CENPP: variants seen among roughly 807,000 people sequenced by gnomAD.
CENPP encodes centromere protein P.
Under a neutral mutation model 35.6 loss-of-function variants are expected in CENPP, and 24 were observed. The ratio of observed to expected loss-of-function variants is 0.67; its 90% CI spans 0.49 to 0.95. CENPP has a LOEUF of 0.95. Ranked by LOEUF, CENPP falls within the 40% of genes least tolerant of loss-of-function variation. The pLI, the probability that CENPP is intolerant of heterozygous loss-of-function variation, is 0.00. For missense variants in CENPP, 332 were observed against 345.3 expected (o/e 0.96, Z 0.31); for synonymous variants, 120 against 125.5 (o/e 0.96, Z 0.29).
At chr9:92,443,196 AAGTCTAATTCTAATC>A (rs770756990) in intron 5 of CENPP, among the ~76,000 whole-genome samples, 50 of 152,360 alleles carry the variant, frequency 3.3e-4, no homozygotes, top group Middle Eastern at 6.8e-3. Context: ...TAGAATTAAT[AAGTCTAATTCTAATC>A]AGTCTAATTC....
intron 5 of CENPP, among the ~76,000 whole-genome samples, chr9:92,397,771 C>T (rs1176644424): frequency 2.6e-5 from 4 of 152,184 alleles, no homozygotes; most frequent in African/African-American, 7.2e-5. Flanking sequence ...TTATTTGTCT[C>T]TTTCTCCACA....
At chr9:92,432,170 T>G (rs1380101635) in intron 5 of CENPP, among the ~76,000 whole-genome samples, 1 of 151,924 alleles carries the variant, frequency 6.6e-6, no homozygotes, top group African/African-American at 2.4e-5. Context: ...ACTAAAAATA[T>G]AAAAATTAGC....
At chr9:92,466,574 T>C in intron 5 of CENPP, 2 of 1,611,118 alleles carry the variant, frequency 1.2e-6, no homozygotes, top group South Asian at 1.1e-5. Flanking sequence ...ATCAGACCCT[T>C]GATCAAGCAT....
rs534840269 is a variant in CENPP, at chr9:92,619,617, C to G, written c.*6468C>G. On this transcript the variant is annotated 3_prime_UTR_variant, in exon 8 of 8. Coordinates refer to ENST00000375587, the MANE Select transcript of CENPP (RefSeq NM_001012267.3). ...AGGTCACACAGGAAGCCTCTGCCCCCCCACACAACCTTCCTTCCCAGTAGC... is the reference window on the plus strand; with the variant it reads ...AGGTCACACAGGAAGCCTCTGCCCCGCCACACAACCTTCCTTCCCAGTAGC... The G allele has an allele frequency of 2.3e-5, 33 of 1,454,742 alleles. No individual in the cohort carries two copies. In the South Asian group the frequency reaches 2.4e-4, roughly 11 times the overall value. 90.1% of individuals were successfully genotyped at this position (1,454,742 alleles called of 1,614,324 possible). A position where few individuals can be genotyped will look rare whatever the true frequency, so the allele number is the denominator to read the frequency against.
intron 5 of CENPP, among the ~76,000 whole-genome samples, chr9:92,499,028 C>CCCAAAGAATAAGG (rs1440364830): frequency 1.3e-5 from 2 of 152,082 alleles, no homozygotes; most frequent in Non-Finnish European, 2.9e-5. Context: ...AATACTATTC[C>CCCAAAGAATAAGG]CCAAAGAAAG....
intron 5 of CENPP, among the ~76,000 whole-genome samples, chr9:92,610,275 C>T (rs1308276254): frequency 6.6e-6 from 1 of 152,100 alleles, no homozygotes; most frequent in Non-Finnish European, 1.5e-5. Context: ...AGGATGGTCT[C>T]AATCTCTTGA....
At chr9:92,611,498 A>G in intron 6 of CENPP, 105 bp downstream of exon 6, 1 of 854,940 alleles carries the variant, frequency 1.2e-6, no homozygotes, top group Non-Finnish European at 1.8e-6. Flanking sequence ...CCTAACCAAG[A>G]ACTAAAGGTC....
At chr9:92,393,843 G>A (rs74439939) in intron 5 of CENPP, among the ~76,000 whole-genome samples, 1,562 of 151,884 alleles carry the variant, frequency 0.01, 30 homozygotes, top group African/African-American at 0.036. Flanking sequence ...ATGCCTTTCA[G>A]TTGGCAGAGG....
At chr9:92,330,837 C>T (rs1275756116) in intron 1 of CENPP, among the ~76,000 whole-genome samples, 3 of 151,564 alleles carry the variant, frequency 2.0e-5, no homozygotes, top group African/African-American at 4.8e-5. Flanking sequence ...TACAGGCACC[C>T]GCCACCACTC....
At chr9:92,607,506 C>A (rs960689539) in intron 5 of CENPP, among the ~76,000 whole-genome samples, 2 of 152,046 alleles carry the variant, frequency 1.3e-5, no homozygotes, top group African/African-American at 4.8e-5. Flanking sequence ...GGTTGCACCA[C>A]CTTGTGAATA....
intron 5 of CENPP, among the ~76,000 whole-genome samples, chr9:92,557,455 A>G (rs551462012): frequency 7.2e-5 from 11 of 152,126 alleles, no homozygotes; most frequent in Non-Finnish European, 1.2e-4. Context: ...CAGGAACACC[A>G]ATTATTCTTA....
chr9:92,602,772 G>A (rs1317367889), intron 5 of CENPP, among the ~76,000 whole-genome samples: 1 of 152,086 alleles, frequency 6.6e-6, no homozygotes, highest in Non-Finnish European at 1.5e-5. Flanking sequence ...GTGTGAACAG[G>A]CGGCAGCTTC....
In CENPP at chr9:92,345,727, C is replaced by T. The variant is rs1177461021; in HGVS notation, c.407C>T (p.Thr136Ile). The change falls in exon 4 of 8, where the codon ACT becomes ATT. Residue 136 changes from threonine to isoleucine, a missense_variant. Coordinates refer to ENST00000375587, the MANE Select transcript of CENPP (RefSeq NM_001012267.3). ...QNKERLSSAV[T>I]DLNIIMEPTE... is the part of the protein sequence containing the mutation. ...AAGGAGAGATTATCTTCTGCTGTTA[C>T]TGACCTCAACATAATAATGGAGCCC... The T allele has an allele frequency of 6.3e-7, 1 of 1,596,410 alleles. No individual in the cohort carries two copies. Among genetic ancestry groups the T allele is most frequent in the Non-Finnish European group, 8.6e-7 (1 of 1,165,254 alleles).
Position 92,593,863 on chromosome 9 carries a change from G to A in CENPP, c.565-17451G>A, listed in dbSNP as rs1048158250. 6.6e-6 allele frequency among the ~76,000 whole-genome samples: 1 copy of A among 152,158 alleles called. No individual in the cohort carries two copies. The highest frequency in any genetic ancestry group is 2.4e-5 in the African/African-American group (1 of 41,438). On this transcript the variant is annotated intron_variant, in intron 5 of 7. Coordinates refer to ENST00000375587, the MANE Select transcript of CENPP (RefSeq NM_001012267.3). This position sits in a 1 kb window ranked among gnomAD's most constrained non-coding sequence, Gnocchi z 4.1. The stretch of plus-strand genomic sequence containing the variant: ...TGGTAGCAGTAGATAAAGGGAACCC[G>A]GTAGAGAAGCCAAGAATATAGGTAC...
Position 92,618,444 on chromosome 9 carries a change from G to A in CENPP, c.*5295G>A, listed in dbSNP as rs2148537. On this transcript the variant is annotated 3_prime_UTR_variant, in exon 8 of 8. Coordinates refer to ENST00000375587, the MANE Select transcript of CENPP (RefSeq NM_001012267.3). ...AGGTGCTAGACGAGGTGAGTAACAT[G>A]TCTGTCCTTCAGCGGCCTTTCACAG... The A allele has an allele frequency of 0.22, 101,436 of 456,552 alleles. 14,329 individuals carry two copies. The highest frequency in any genetic ancestry group is 0.66 in the East Asian group (9,449 of 14,372). The allele number at this position is 456,552 out of a possible 1,614,324, so 28.3% of individuals were successfully genotyped here. A position where few individuals can be genotyped will look rare whatever the true frequency, so the allele number is the denominator to read the frequency against.
chr9:92,470,994 G>A (rs1464779452), intron 5 of CENPP, among the ~76,000 whole-genome samples: 1 of 152,080 alleles, frequency 6.6e-6, no homozygotes. Context: ...TGTCTAGATT[G>A]GTATAGTTGT....
At chr9:92,578,941 G>A (rs1400201993) in intron 5 of CENPP, among the ~76,000 whole-genome samples, 8 of 152,288 alleles carry the variant, frequency 5.3e-5, no homozygotes, top group South Asian at 2.1e-4. Flanking sequence ...TAGGTCTAAC[G>A]TTTCAGTCTT....
intron 5 of CENPP, chr9:92,516,815 C>T (rs367782318): frequency 1.1e-4 from 16 of 152,200 alleles, no homozygotes; most frequent in East Asian, 9.6e-4. Flanking sequence ...GGTAGTATAA[C>T]GCAAAACACA....
chr9:92,598,206 C>T (rs1564016251), intron 5 of CENPP, among the ~76,000 whole-genome samples: 1 of 152,186 alleles, frequency 6.6e-6, no homozygotes, highest in East Asian at 1.9e-4. Flanking sequence ...CAGGGCTCCT[C>T]TCTGTCTGGG....
Sources: allele counts gnomAD v4.1 joint callset (sites outside exome capture counted in the v4.1 genomes callset), GRCh38; gene constraint gnomAD v4.1.1; non-coding constraint Gnocchi (gnomAD v3.1); transcripts MANE v1.5; gene names NCBI Gene and HGNC (gene_info 2026-07-23, HGNC 2026-07-21).